Variants in KCNC2 observed in about 807,000 individuals in gnomAD.
KCNC2 encodes the protein voltage-gated potassium channel KCNC2.
In KCNC2, 21 loss-of-function variants were observed where a neutral mutation model predicts 44.5. The observed-to-expected ratio is 0.47, with a 90% CI of 0.33 to 0.68. The LOEUF (loss-of-function observed/expected upper bound fraction) is 0.68, where lower values mean the gene tolerates loss of function less well. Among genes scored for constraint, KCNC2 ranks in the 30% least tolerant of loss-of-function variants. The pLI is 0.01. For missense variants in KCNC2, 589 were observed against 826.2 expected (o/e 0.71, Z 3.52); for synonymous variants, 391 against 339.1 (o/e 1.15, Z -1.68).
At chr12:75,129,265 A>G (rs997793190) in intron 2 of KCNC2, among the ~76,000 whole-genome samples, 5 of 152,186 alleles carry the variant, frequency 3.3e-5, no homozygotes, top group African/African-American at 1.2e-4. Context: ...GGGTGCCATG[A>G]CGCTAACAGG....
chr12:75,095,779 A>T (rs1885870549), intron 2 of KCNC2, among the ~76,000 whole-genome samples: 2 of 151,940 alleles, frequency 1.3e-5, no homozygotes, highest in Admixed American at 6.6e-5. Context: ...AATAAATTTT[A>T]TTAATCATGT....
chr12:75,062,427 TTA>T (rs1882438710), intron 2 of KCNC2, among the ~76,000 whole-genome samples: 1 of 152,138 alleles, frequency 6.6e-6, no homozygotes, highest in Non-Finnish European at 1.5e-5. Flanking sequence ...TTCTAGATTT[TTA>T]TATATAGTGT....
intron 2 of KCNC2, among the ~76,000 whole-genome samples, chr12:75,177,592 T>G (rs1281443087): frequency 6.6e-6 from 1 of 152,060 alleles, no homozygotes; most frequent in Non-Finnish European, 1.5e-5. Context: ...ATTGTTCTTC[T>G]CTAACACTCT....
intron 3 of KCNC2, 73 bp from the exon 4 acceptor site, chr12:75,048,390 G>T: frequency 1.6e-6 from 2 of 1,263,308 alleles, no homozygotes; most frequent in Non-Finnish European, 2.2e-6. Flanking sequence ...AGTTTACACA[G>T]AATGCCGGTA....
intron 2 of KCNC2, among the ~76,000 whole-genome samples, chr12:75,148,611 G>A (rs1890181485): frequency 6.6e-6 from 1 of 151,908 alleles, no homozygotes; most frequent in South Asian, 2.1e-4. Context: ...GATATATGCT[G>A]TGTATTTCAT....
At chr12:75,151,856 T>A (rs1890417579) in intron 2 of KCNC2, among the ~76,000 whole-genome samples, 1 of 148,580 alleles carries the variant, frequency 6.7e-6, no homozygotes, top group African/African-American at 2.5e-5. Context: ...TGAACTGGAA[T>A]AAACATCTGA....
At position 75,050,372 on chromosome 12, in the gene KCNC2, T is replaced by G. The variant is rs201383604; in HGVS notation, c.1615+18A>C. 872 of 1,548,570 alleles carry G rather than the reference T, an allele frequency of 5.6e-4. 2 individuals carry two copies. The highest frequency in any genetic ancestry group is 3.3e-3 in the Middle Eastern group (19 of 5,808). ...TCTATAAAGTATTTAATAACATGCATTTGAAGTCCTGCCTTACCTGATCTG... is the reference window on the plus strand; with the variant it reads ...TCTATAAAGTATTTAATAACATGCAGTTGAAGTCCTGCCTTACCTGATCTG... On this transcript the variant is annotated intron_variant, in intron 3 of 4. Transcript: ENST00000549446.
chr12:75,161,703 A>C (rs1891136895), intron 2 of KCNC2, among the ~76,000 whole-genome samples: 1 of 151,848 alleles, frequency 6.6e-6, no homozygotes, highest in Admixed American at 6.6e-5. Context: ...GTCTGCATAC[A>C]CTGGAATGTG....
chr12:75,157,630 A>G (rs576296647), intron 2 of KCNC2, among the ~76,000 whole-genome samples: 1 of 152,024 alleles, frequency 6.6e-6, no homozygotes, highest in South Asian at 2.1e-4. Flanking sequence ...TCATATAATC[A>G]ACTGGCTTTC....
intron 2 of KCNC2, among the ~76,000 whole-genome samples, chr12:75,075,120 G>A (rs187891040): frequency 5.6e-4 from 86 of 152,234 alleles, no homozygotes; most frequent in African/African-American, 2.0e-3. Context: ...CCTGTAGACC[G>A]TGAACTTTAT....
At chr12:75,085,669 A>C in intron 2 of KCNC2, among the ~76,000 whole-genome samples, 1 of 152,010 alleles carries the variant, frequency 6.6e-6, no homozygotes, top group South Asian at 2.1e-4. Flanking sequence ...AATATATTTA[A>C]ATAGTTATTT....
intron 2 of KCNC2, among the ~76,000 whole-genome samples, chr12:75,181,522 C>A (rs1892571756): frequency 6.6e-6 from 1 of 152,126 alleles, no homozygotes; most frequent in Non-Finnish European, 1.5e-5. Flanking sequence ...CTGAGGGTTC[C>A]CTAATGGACA....
intron 2 of KCNC2, among the ~76,000 whole-genome samples, chr12:75,177,032 T>TTATATATATATATATATATATATA (rs3073537): frequency 1.4e-4 from 19 of 139,908 alleles, no homozygotes; most frequent in African/African-American, 4.9e-4. Flanking sequence ...GCTGCAAGTT[T>TTATATATATATATATATATATATA]TATATATATA....
intron 2 of KCNC2, among the ~76,000 whole-genome samples, chr12:75,119,002 T>C (rs577581749): frequency 2.6e-5 from 4 of 152,292 alleles, no homozygotes; most frequent in South Asian, 4.1e-4. Flanking sequence ...ATCAACTCCA[T>C]GGTAAGTTAA....
intron 2 of KCNC2, among the ~76,000 whole-genome samples, chr12:75,203,443 A>C (rs1427301749): frequency 6.6e-6 from 1 of 151,900 alleles, no homozygotes; most frequent in Non-Finnish European, 1.5e-5. Context: ...TAGATTCGCT[A>C]TCACAATCCC....
At chr12:75,169,595 G>A (rs946454386) in intron 2 of KCNC2, among the ~76,000 whole-genome samples, 2 of 151,484 alleles carry the variant, frequency 1.3e-5, no homozygotes, top group African/African-American at 4.8e-5. Flanking sequence ...AATGTATAAT[G>A]TCCTATGTAT....
At chr12:75,117,743 CTT>C (rs1216085820) in intron 2 of KCNC2, among the ~76,000 whole-genome samples, 1 of 152,038 alleles carries the variant, frequency 6.6e-6, no homozygotes, top group Non-Finnish European at 1.5e-5. Flanking sequence ...TATACACACT[CTT>C]TAACATTTAT....
chr12:75,048,487 G>A (rs1277790856), intron 3 of KCNC2, among the ~76,000 whole-genome samples, 170 bp from the exon 4 acceptor site: 2 of 152,056 alleles, frequency 1.3e-5, no homozygotes, highest in Non-Finnish European at 2.9e-5. Flanking sequence ...ATTACATGGA[G>A]CAAAATGGAA....
At chr12:75,171,998 C>A (rs1471704890) in intron 2 of KCNC2, among the ~76,000 whole-genome samples, 1 of 151,604 alleles carries the variant, frequency 6.6e-6, no homozygotes, top group Admixed American at 6.6e-5. Context: ...TGCACATATA[C>A]CCCTGAACTT....
Sources: allele counts gnomAD v4.1 joint callset (sites outside exome capture counted in the v4.1 genomes callset), GRCh38; gene constraint gnomAD v4.1.1; transcripts MANE v1.5; gene names NCBI Gene and HGNC (gene_info 2026-07-23, HGNC 2026-07-21).